ETNK2: variants seen among roughly 807,000 people sequenced by gnomAD.
ETNK2 encodes the protein ethanolamine kinase-like protein.
In ETNK2, 33 loss-of-function variants were observed where a neutral mutation model predicts 46.2. The ratio of observed to expected loss-of-function variants is 0.71; its 90% confidence interval spans 0.54 to 0.96. The LOEUF is 0.96. Among genes scored for constraint, ETNK2 ranks in the 40% least tolerant of loss-of-function variants. The pLI, the probability that ETNK2 is intolerant of heterozygous loss-of-function variation, is 0.00. For synonymous variants in ETNK2, 194 were observed against 209.0 expected (o/e 0.93, Z 0.62); for missense variants, 445 against 509.7 (o/e 0.87, Z 1.22).
Position 204,152,029 on chromosome 1 carries a change from G to A in ETNK2, c.-177C>T, listed in dbSNP as rs187440692. On this transcript the variant is annotated 5_prime_UTR_variant, in exon 1 of 8. Transcript: ENST00000367202. The surrounding 1 kb of genome is among the most constrained non-coding windows in gnomAD (Gnocchi z 4.2). ...CCCACCGCCGACCCCGGAGCGCCGC[G>A]GCCCGCCGCGATTGTGACATCACGG... is the stretch of plus-strand genomic sequence containing the variant. 0.01 allele frequency: 5,941 copies of A among 572,468 alleles called. 309 individuals are homozygous for A. The East Asian group carries it at 0.11, about 11-fold the overall frequency. 35.5% of individuals were successfully genotyped at this position (572,468 alleles called of 1,614,324 possible).
At chr1:204,147,934 C>G (rs1199269295) in intron 2 of ETNK2, among the ~76,000 whole-genome samples, 1 of 152,224 alleles carries the variant, frequency 6.6e-6, no homozygotes, top group Non-Finnish European at 1.5e-5. Flanking sequence ...GGCAGGGAAA[C>G]AGACCTGAGA....
At chr1:204,146,787 T>C (rs759601890) in intron 2 of ETNK2, 23 bp from the exon 3 acceptor site, 20 of 1,613,574 alleles carry the variant, frequency 1.2e-5, no homozygotes, top group South Asian at 4.4e-5. Context: ...ACAGGAAGAG[T>C]AGAGCATCAG....
chr1:204,151,865 C>T lies in ETNK2; in HGVS notation c.-13G>A. The stretch of plus-strand genomic sequence containing the variant: ...GGGGCACAGCCATTCCCAGCAGCCC[C>T]ACCCCCTCGGAGCCGCGGCAGACGC... On this transcript the variant is annotated 5_prime_UTR_variant, in exon 1 of 8. Coordinates refer to ENST00000367202, the MANE Select transcript of ETNK2 (RefSeq NM_018208.4). The surrounding 1 kb of genome is among the most constrained non-coding windows in gnomAD (Gnocchi z 8.0). 2 of 1,427,194 alleles carry T rather than the reference C, an allele frequency of 1.4e-6. No individual in the cohort carries two copies. Among genetic ancestry groups the T allele is most frequent in the Non-Finnish European group, 1.8e-6 (2 of 1,095,594 alleles). 88.4% of individuals were successfully genotyped at this position (1,427,194 alleles called of 1,614,324 possible).
intron 2 of ETNK2, among the ~76,000 whole-genome samples, chr1:204,148,503 T>C (rs1207987723): frequency 6.6e-6 from 1 of 151,736 alleles, no homozygotes; most frequent in Non-Finnish European, 1.5e-5. Context: ...CTGGGTCCTT[T>C]TGGAACTGTT....
At chr1:204,140,632 C>A (rs1461716842) in intron 4 of ETNK2, among the ~76,000 whole-genome samples, 1 of 151,666 alleles carries the variant, frequency 6.6e-6, no homozygotes, top group Non-Finnish European at 1.5e-5. Context: ...TCAAGCGATT[C>A]TCCTGCCTCA....
At chr1:204,134,937 C>T (rs1213626307) in intron 6 of ETNK2, among the ~76,000 whole-genome samples, 1 of 152,170 alleles carries the variant, frequency 6.6e-6, no homozygotes, top group Non-Finnish European at 1.5e-5. Flanking sequence ...AGGGAAATCT[C>T]TTGGAGTCTT....
intron 7 of ETNK2, among the ~76,000 whole-genome samples, chr1:204,133,806 C>T (rs1466495759): frequency 1.3e-5 from 2 of 152,226 alleles, no homozygotes; most frequent in African/African-American, 4.8e-5. Flanking sequence ...GCTGGGATTA[C>T]AGGCGTGAGC....
chr1:204,141,540 C>T, intron 3 of ETNK2, 83 bp from the exon 4 acceptor site: 1 of 1,449,462 alleles, frequency 6.9e-7, no homozygotes, highest in Non-Finnish European at 9.3e-7. Flanking sequence ...ATCTGAGCCT[C>T]ATCACTCCCT....
At chr1:204,142,549 T>C (rs185826916) in intron 3 of ETNK2, 4 of 152,378 alleles carry the variant, frequency 2.6e-5, no homozygotes, top group Admixed American at 2.6e-4. Context: ...CAAACACTTA[T>C]CACAGTCCTT....
chr1:204,143,454 T>C (rs1657643737), intron 3 of ETNK2, among the ~76,000 whole-genome samples: 1 of 149,446 alleles, frequency 6.7e-6, no homozygotes, highest in Non-Finnish European at 1.5e-5. Flanking sequence ...CCTGCTCTGC[T>C]TCCCTCCCCT....
At chr1:204,147,922 A>G (rs2102302098) in intron 2 of ETNK2, among the ~76,000 whole-genome samples, 1 of 152,360 alleles carries the variant, frequency 6.6e-6, no homozygotes, top group Non-Finnish European at 1.5e-5. Flanking sequence ...GGGTTTGGGC[A>G]AGGCAGGGAA....
chr1:204,137,385 C>T, intron 5 of ETNK2, 136 bp from the exon 6 acceptor site: 1 of 1,140,076 alleles, frequency 8.8e-7, no homozygotes, highest in Non-Finnish European at 1.2e-6. Flanking sequence ...AGGAGGCGGC[C>T]CGAGAAGGCA....
chr1:204,133,494 TTAAA>T (rs2102278177), intron 7 of ETNK2, among the ~76,000 whole-genome samples: 1 of 151,572 alleles, frequency 6.6e-6, no homozygotes, highest in East Asian at 1.9e-4. Flanking sequence ...TTTTTTTTAA[TTAAA>T]TTTTATTTTT....
intron 5 of ETNK2, 146 bp downstream of exon 5, chr1:204,139,889 T>C (rs989931093): frequency 2.4e-5 from 16 of 665,504 alleles, no homozygotes; most frequent in Non-Finnish European, 4.0e-5. Flanking sequence ...TATCTAAACA[T>C]GTCTAAACAT....
In ETNK2 at chr1:204,151,763, C is replaced by T. The variant is rs1658014830; in HGVS notation, c.90G>A (p.Glu30=). 1.3e-6 allele frequency: 2 copies of T among 1,522,640 alleles called. No individual in the cohort carries two copies. Among genetic ancestry groups the T allele is most frequent in the South Asian group, 2.5e-5 (2 of 79,410 alleles). The allele number at this position is 1,522,640 out of a possible 1,614,324, so 94.3% of individuals were successfully genotyped here. ...AGCTGGCGCTGGCCGCCGCCTTCTC[C>T]TCCATGCCCCATGAGCACTGCGGGC... ...TPCPQCSWGM[E]EKAAASASCR... is the part of the protein sequence containing the mutation. Residue 30 remains glutamate (E), a synonymous_variant, in exon 1 of 8, where the codon GAG becomes GAA. Transcript: ENST00000367202. This position sits in a 1 kb window ranked among gnomAD's most constrained non-coding sequence, Gnocchi z 8.0.
chr1:204,146,911 G>A (rs1314055509), intron 2 of ETNK2, 147 bp from the exon 3 acceptor site: 1 of 937,350 alleles, frequency 1.1e-6, no homozygotes. Context: ...TCCCTTAGGA[G>A]CACAGGTCCT....
chr1:204,137,396 GCTT>G, intron 5 of ETNK2, 147 bp from the exon 6 acceptor site: 1 of 1,020,628 alleles, frequency 9.8e-7, no homozygotes, highest in Non-Finnish European at 1.4e-6. Flanking sequence ...CGAGAAGGCA[GCTT>G]CTTTGATTAC....
chr1:204,146,108 G>T (rs1220796801), intron 3 of ETNK2, among the ~76,000 whole-genome samples: 2 of 152,164 alleles, frequency 1.3e-5, no homozygotes, highest in African/African-American at 2.4e-5. Context: ...AAAGGCACAT[G>T]GGGACAAGAG....
chr1:204,132,210 C>T lies in ETNK2; in HGVS notation c.1135G>A (p.Ala379Thr). The change falls in exon 8 of 8, where the codon GCG becomes ACG. Residue 379 changes from alanine (A) to threonine (T), a missense_variant. Physicochemically the swap from Ala to Thr is moderately conservative, Grantham distance 58. Coordinates refer to ENST00000367202, the MANE Select transcript of ETNK2 (RefSeq NM_018208.4). ...FNQYFKVKPQ[A>T]SALEMPK ...CACTTTGGCATCTCCAAGGCTGACG[C>T]TTGAGGCTTCACCTTGAAGTACTGG... is the stretch of plus-strand genomic sequence containing the variant. The T allele has an allele frequency of 6.4e-7, 1 of 1,574,052 alleles. No individual in the cohort carries two copies.
Sources: allele counts gnomAD v4.1 joint callset (sites outside exome capture counted in the v4.1 genomes callset), GRCh38; gene constraint gnomAD v4.1.1; non-coding constraint Gnocchi (gnomAD v3.1); transcripts MANE v1.5; gene names NCBI Gene and HGNC (gene_info 2026-07-23, HGNC 2026-07-21).